MINDY4: variants seen among roughly 807,000 people sequenced by gnomAD.
MINDY4 encodes probable ubiquitin carboxyl-terminal hydrolase MINDY-4.
Under a neutral mutation model 87.0 loss-of-function variants are expected in MINDY4, and 68 were observed. The observed-to-expected ratio is 0.78, with a 90% CI of 0.64 to 0.96. The LOEUF (loss-of-function observed/expected upper bound fraction) is 0.96. Ranked by LOEUF, MINDY4 falls within the 40% of genes least tolerant of loss-of-function variation. The pLI, the probability that MINDY4 is intolerant of heterozygous loss-of-function variation, is 0.00. For synonymous variants in MINDY4, 379 were observed against 363.2 expected, an observed-to-expected ratio of 1.04 and a Z score of -0.50; for missense variants, 919 against 928.2, an observed-to-expected ratio of 0.99 and a Z score of 0.13.
chr7:30,892,033 C>G lies in MINDY4; in HGVS notation c.*28C>G, dbSNP rs1434249087. On this transcript the variant is annotated 3_prime_UTR_variant, in exon 18 of 18. Coordinates refer to ENST00000265299, the MANE Select transcript of MINDY4 (RefSeq NM_032222.3). ...GTTGGATGTGGGTAAACCCTGTGGTCCACCACTCATCACCTCATCACCGAG... is the reference window on the plus strand; with the variant it reads ...GTTGGATGTGGGTAAACCCTGTGGTGCACCACTCATCACCTCATCACCGAG... 1 of 1,613,082 alleles carries G rather than the reference C, an allele frequency of 6.2e-7. No homozygotes were observed. Among genetic ancestry groups the G allele is most frequent in the South Asian group, 1.1e-5 (1 of 91,070 alleles).
At chr7:30,850,705 T>C (rs62449091) in intron 10 of MINDY4, 150 bp downstream of exon 10, 2 of 713,360 alleles carry the variant, frequency 2.8e-6, no homozygotes, top group Non-Finnish European at 4.8e-6. Flanking sequence ...CCTGATGTGC[T>C]GAGCAGCCGC....
rs868091285 is a variant in MINDY4, at chr7:30,823,269, C to A, written c.1074-5410C>A. ...TGAAAGTTTTAGACCATATGAATAT[C>A]CTGTTCCTCAAAAACCTTCCATCCA... On this transcript the variant is annotated intron_variant, in intron 5 of 17. Coordinates refer to ENST00000265299, the MANE Select transcript of MINDY4 (RefSeq NM_032222.3). Among the ~76,000 whole-genome samples, 36 of 152,250 alleles carry A rather than the reference C, an allele frequency of 2.4e-4. No homozygotes were observed. The Middle Eastern group carries it at 0.017, about 72-fold the overall frequency.
At chr7:30,866,582 T>C (rs967436986) in intron 13 of MINDY4, among the ~76,000 whole-genome samples, 17 of 152,156 alleles carry the variant, frequency 1.1e-4, no homozygotes, top group Non-Finnish European at 2.4e-4. Flanking sequence ...GTGGGTACCC[T>C]TAGGAAGCGG....
In MINDY4 at chr7:30,848,534, C is replaced by CT. The variant is rs1186218926; in HGVS notation, c.1446-1915dup. ...TGGGTTCTGAGTCCAGTCCTTTCTC[C>CT]TTTTTCTGATAAGCTCTGCTTTCCA... is the stretch of plus-strand genomic sequence containing the variant. On this transcript the variant is annotated intron_variant, in intron 9 of 17. Coordinates refer to ENST00000265299, the MANE Select transcript of MINDY4 (RefSeq NM_032222.3). 8.5e-5 allele frequency among the ~76,000 whole-genome samples: 13 copies of CT among 152,304 alleles called. No homozygotes were observed. In the East Asian group the frequency reaches 2.3e-3, roughly 27 times the overall value.
intron 5 of MINDY4, among the ~76,000 whole-genome samples, chr7:30,792,641 A>T (rs1435750371): frequency 1.3e-5 from 2 of 152,194 alleles, no homozygotes; most frequent in Non-Finnish European, 1.5e-5. Context: ...ATTTATTGGT[A>T]TAAAATTGTA....
chr7:30,852,430 A>G, intron 11 of MINDY4, 151 bp downstream of exon 11: 1 of 1,439,122 alleles, frequency 6.9e-7, no homozygotes, highest in Non-Finnish European at 9.2e-7. Context: ...GGGTGGGGAC[A>G]GACGTGGGGT....
chr7:30,878,349 C>T (rs1790344019), intron 15 of MINDY4, among the ~76,000 whole-genome samples: 1 of 152,166 alleles, frequency 6.6e-6, no homozygotes, highest in Non-Finnish European at 1.5e-5. Context: ...ACCCAGATGA[C>T]CCATACTCAG....
intron 13 of MINDY4, among the ~76,000 whole-genome samples, chr7:30,871,718 T>G (rs908522011): frequency 6.6e-6 from 1 of 152,198 alleles, no homozygotes; most frequent in Non-Finnish European, 1.5e-5. Flanking sequence ...GAGGCTTGGT[T>G]TTCTCAAAGG....
At chr7:30,885,010 G>T (rs1790586775) in intron 17 of MINDY4, among the ~76,000 whole-genome samples, 1 of 152,238 alleles carries the variant, frequency 6.6e-6, no homozygotes, top group African/African-American at 2.4e-5. Flanking sequence ...CATGATTTGG[G>T]CCAGGGCCCT....
chr7:30,848,846 TA>T (rs1223824719), intron 9 of MINDY4, among the ~76,000 whole-genome samples: 1 of 152,228 alleles, frequency 6.6e-6, no homozygotes, highest in Non-Finnish European at 1.5e-5. Flanking sequence ...ACTTTCATAT[TA>T]GATGTTGGAA....
At chr7:30,869,214 G>T (rs1790028605) in intron 13 of MINDY4, among the ~76,000 whole-genome samples, 1 of 152,228 alleles carries the variant, frequency 6.6e-6, no homozygotes, top group Non-Finnish European at 1.5e-5. Flanking sequence ...GGTTAAGTCA[G>T]TCTTTGGTAA....
rs1022774802 is a variant in MINDY4 at position 30,840,783 on chromosome 7, A to G, written c.1380A>G (p.Ala460=). 1.2e-6 allele frequency: 2 copies of G among 1,614,068 alleles called. No homozygotes were observed. Among genetic ancestry groups the G allele is most frequent in the African/African-American group, 2.7e-5 (2 of 74,934 alleles). Residue 460 remains alanine (A), a synonymous_variant, in exon 9 of 18, where the codon GCA becomes GCG. Transcript: ENST00000265299. ...QNKGGPCGVL[A]AVQGCVLQKL... ...AGGGTGGTCCTTGCGGAGTCCTGGC[A>G]GCTGTCCAAGGCTGTGTCCTACAGA...
intron 4 of MINDY4, among the ~76,000 whole-genome samples, chr7:30,790,283 C>T (rs1787281594): frequency 6.6e-6 from 1 of 152,094 alleles, no homozygotes; most frequent in African/African-American, 2.4e-5. Flanking sequence ...ATACCACATA[C>T]TGCCTTTACT....
intron 5 of MINDY4, among the ~76,000 whole-genome samples, chr7:30,808,183 G>A (rs1216609902): frequency 6.6e-6 from 1 of 152,196 alleles, no homozygotes; most frequent in Non-Finnish European, 1.5e-5. Context: ...CCCCCGTGGA[G>A]GATCAATGTG....
chr7:30,832,535 C>T (rs939012490), intron 6 of MINDY4, among the ~76,000 whole-genome samples: 1 of 152,120 alleles, frequency 6.6e-6, no homozygotes, highest in African/African-American at 2.4e-5. Context: ...TGGAGTCTTG[C>T]TCTGTTGCCC....
At chr7:30,853,491 G>C in intron 12 of MINDY4, 32 bp downstream of exon 12, 1 of 1,533,752 alleles carries the variant, frequency 6.5e-7, no homozygotes, top group Non-Finnish European at 9.0e-7. Flanking sequence ...TGTGGGATGT[G>C]CGTCACTAAG....
chr7:30,787,112 G>C (rs946484461), intron 4 of MINDY4, among the ~76,000 whole-genome samples: 1 of 152,188 alleles, frequency 6.6e-6, no homozygotes, highest in Non-Finnish European at 1.5e-5. Flanking sequence ...ATCTTATGGG[G>C]TCTTTGGTCA....
intron 5 of MINDY4, among the ~76,000 whole-genome samples, chr7:30,810,850 A>C (rs1434189301): frequency 6.6e-6 from 1 of 152,194 alleles, no homozygotes; most frequent in Non-Finnish European, 1.5e-5. Context: ...AAAACTAATA[A>C]AAATAGGTGC....
chr7:30,856,272 C>T (rs531687991), intron 12 of MINDY4, among the ~76,000 whole-genome samples: 87 of 152,316 alleles, frequency 5.7e-4, no homozygotes, highest in Middle Eastern at 3.4e-3. Flanking sequence ...GCGTGTTGCC[C>T]TGTGGCCTCC....
Sources: allele counts gnomAD v4.1 joint callset (sites outside exome capture counted in the v4.1 genomes callset), GRCh38; gene constraint gnomAD v4.1.1; transcripts MANE v1.5; gene names NCBI Gene and HGNC (gene_info 2026-07-23, HGNC 2026-07-21).